CALN1: variants seen among roughly 807,000 people sequenced by gnomAD.
CALN1 encodes the protein calneuron 1, also known as calcium-binding protein 8.
A neutral mutation model predicts 30.6 loss-of-function variants in CALN1; 17 were observed. The ratio of observed to expected loss-of-function variants is 0.56; its 90% CI spans 0.38 to 0.83. CALN1 has a LOEUF of 0.83. Among genes scored for constraint, CALN1 ranks in the 40% least tolerant of loss-of-function variants. The pLI, the probability that CALN1 is intolerant of heterozygous loss-of-function variation, is 0.00. For missense variants in CALN1, 291 were observed against 354.9 expected, an observed-to-expected ratio of 0.82 and a Z score of 1.45; for synonymous variants, 156 against 131.4, an observed-to-expected ratio of 1.19 and a Z score of -1.28.
chr7:72,417,541 T>G (rs1807461582), intron 1 of CALN1, among the ~76,000 whole-genome samples: 1 of 152,242 alleles, frequency 6.6e-6, no homozygotes, highest in Admixed American at 6.5e-5. Flanking sequence ...CCAGCATGCT[T>G]TACCAGCACT....
At chr7:72,137,887 T>C (rs1032798875) in intron 3 of CALN1, among the ~76,000 whole-genome samples, 4 of 152,170 alleles carry the variant, frequency 2.6e-5, no homozygotes, top group African/African-American at 4.8e-5. Flanking sequence ...GCATATCTAT[T>C]TGAGAGAGAG....
chr7:71,863,557 C>CAAAAAAAAAAAAAAAAAAAAAAAAAA (rs71531769), intron 5 of CALN1, among the ~76,000 whole-genome samples: 2 of 32,212 alleles, frequency 6.2e-5, no homozygotes, highest in Admixed American at 6.0e-4. Flanking sequence ...AACTCCATCT[C>CAAAAAAAAAAAAAAAAAAAAAAAAAA]AAAAAAAAAA....
chr7:72,367,627 CAAATAA>C (rs1205338947), intron 2 of CALN1, among the ~76,000 whole-genome samples: 7 of 151,834 alleles, frequency 4.6e-5, no homozygotes, highest in Admixed American at 1.3e-4. Context: ...CCTGTCTCTA[CAAATAA>C]AAATAAAAAT....
the CALN1 span, among the ~76,000 whole-genome samples, chr7:72,456,560 A>G: frequency 1.3e-5 from 2 of 151,682 alleles, no homozygotes; most frequent in African/African-American, 4.8e-5. Context: ...AAATATATAA[A>G]AGATCCCTCA....
chr7:72,402,266 G>A (rs957701102), intron 2 of CALN1, among the ~76,000 whole-genome samples: 1 of 152,166 alleles, frequency 6.6e-6, no homozygotes, highest in Non-Finnish European at 1.5e-5. Flanking sequence ...ACAGAGTCTT[G>A]TAGCATCCTG....
chr7:72,475,633 C>T, the CALN1 span, among the ~76,000 whole-genome samples: 1 of 152,184 alleles, frequency 6.6e-6, no homozygotes, highest in African/African-American at 2.4e-5. Flanking sequence ...CATGAGCCCC[C>T]TGAGGAAATG....
chr7:71,852,157 C>T (rs1790683795), intron 5 of CALN1, among the ~76,000 whole-genome samples: 1 of 152,068 alleles, frequency 6.6e-6, no homozygotes, highest in Non-Finnish European at 1.5e-5. Flanking sequence ...ACACGTTCAC[C>T]ACAATTTTGT....
chr7:72,207,568 G>A (rs899769772), intron 3 of CALN1, among the ~76,000 whole-genome samples: 8 of 152,162 alleles, frequency 5.3e-5, no homozygotes, highest in African/African-American at 1.7e-4. Context: ...TGCAAGATCC[G>A]CCTCCTGGTA....
chr7:72,394,501 G>T (rs1293395612), intron 2 of CALN1, among the ~76,000 whole-genome samples: 2 of 152,118 alleles, frequency 1.3e-5, no homozygotes, highest in African/African-American at 4.8e-5. Context: ...GACTGGTCCA[G>T]TACATTGCAG....
intron 3 of CALN1, among the ~76,000 whole-genome samples, chr7:72,231,468 C>T (rs967668324): frequency 3.9e-5 from 6 of 152,128 alleles, no homozygotes; most frequent in African/African-American, 1.4e-4. Context: ...GGATCTCATT[C>T]TTTTTTATGG....
chr7:72,303,085 A>C (rs1799404832), intron 2 of CALN1, among the ~76,000 whole-genome samples: 1 of 151,964 alleles, frequency 6.6e-6, no homozygotes, highest in Non-Finnish European at 1.5e-5. Context: ...GTCTCAAAAA[A>C]AAAAGAAAAG....
intron 6 of CALN1, among the ~76,000 whole-genome samples, chr7:71,792,221 T>C (rs987884047): frequency 6.6e-6 from 1 of 152,148 alleles, no homozygotes; most frequent in Admixed American, 6.6e-5. Flanking sequence ...GTCTATTATT[T>C]AGAAGTCTGT....
chr7:71,808,486 T>C (rs1312726215), intron 6 of CALN1, among the ~76,000 whole-genome samples: 3 of 152,082 alleles, frequency 2.0e-5, no homozygotes, highest in African/African-American at 7.2e-5. Flanking sequence ...ATTAATCATA[T>C]TACATTAATT....
At chr7:72,325,698 A>G (rs1166973249) in intron 2 of CALN1, among the ~76,000 whole-genome samples, 1 of 152,202 alleles carries the variant, frequency 6.6e-6, no homozygotes, top group African/African-American at 2.4e-5. Flanking sequence ...CTAGGTAAAT[A>G]ACTTGAGGCT....
At chr7:72,432,883 T>C (rs889240623) in intron 1 of CALN1, among the ~76,000 whole-genome samples, 1 of 152,198 alleles carries the variant, frequency 6.6e-6, no homozygotes, top group Non-Finnish European at 1.5e-5. Flanking sequence ...AAGACGGTGC[T>C]AGTAAACTAA....
At chr7:72,271,927 T>C (rs545069586) in intron 3 of CALN1, among the ~76,000 whole-genome samples, 98 of 151,782 alleles carry the variant, frequency 6.5e-4, no homozygotes, top group African/African-American at 2.2e-3. Flanking sequence ...GCGGGCGTGA[T>C]GGTGGGCACC....
chr7:72,334,528 C>A (rs914369583), intron 2 of CALN1, among the ~76,000 whole-genome samples: 1 of 152,122 alleles, frequency 6.6e-6, no homozygotes, highest in Non-Finnish European at 1.5e-5. Flanking sequence ...CTGTACCCCC[C>A]CTCCCCTTAC....
At chr7:72,336,687 C>A (rs1158165601) in intron 2 of CALN1, 1 of 985,468 alleles carries the variant, frequency 1.0e-6, no homozygotes, top group Non-Finnish European at 1.2e-6. Context: ...AGCTAGGGAG[C>A]CGGCGGCGGC....
chr7:72,150,323 G>A (rs1787133924), intron 3 of CALN1, among the ~76,000 whole-genome samples: 1 of 152,182 alleles, frequency 6.6e-6, no homozygotes, highest in Non-Finnish European at 1.5e-5. Flanking sequence ...TTTTAGGAAT[G>A]GATCCAGTGC....
Sources: gnomAD v4.1 joint callset for allele counts (sites outside exome capture counted in the v4.1 genomes callset) on GRCh38, gnomAD v4.1.1 for gene constraint, MANE v1.5 for transcripts, NCBI Gene and HGNC (gene_info 2026-07-23, HGNC 2026-07-21) for gene names.